ZNF420: variants seen among roughly 807,000 people sequenced by gnomAD.
ZNF420 encodes zinc finger protein 420.
A neutral mutation model predicts 44.7 loss-of-function variants in ZNF420; 31 were observed. That is an observed-to-expected ratio of 0.69 (90% CI 0.52 to 0.94). ZNF420 has a LOEUF of 0.94. Ranked by LOEUF, ZNF420 falls within the 40% of genes least tolerant of loss-of-function variation. The pLI is 0.00. For synonymous variants in ZNF420, 245 were observed against 267.4 expected (o/e 0.92, Z 0.82); for missense variants, 681 against 827.9 (o/e 0.82, Z 2.18).
At chr19:37,028,117 G>A (rs1967187538) in intron 1 of ZNF420, among the ~76,000 whole-genome samples, 1 of 152,234 alleles carries the variant, frequency 6.6e-6, no homozygotes, top group African/African-American at 2.4e-5. Context: ...ATTTGAGCCA[G>A]TCTAACAGAT....
intron 4 of ZNF420, among the ~76,000 whole-genome samples, chr19:37,122,656 C>T (rs1341468687): frequency 6.6e-6 from 1 of 152,038 alleles, no homozygotes; most frequent in Non-Finnish European, 1.5e-5. Flanking sequence ...TTCTGGGGTT[C>T]CGTGCTCTCT....
At chr19:37,023,597 C>T (rs572185860) in intron 1 of ZNF420, among the ~76,000 whole-genome samples, 3 of 152,152 alleles carry the variant, frequency 2.0e-5, no homozygotes, top group Non-Finnish European at 2.9e-5. Context: ...AACTACTGAC[C>T]TCAGGTGATC....
Position 37,128,360 on chromosome 19 carries a change from A to C in ZNF420, c.1369A>C (p.Ser457Arg). 6.2e-7 allele frequency: 1 copy of C among 1,614,008 alleles called. No homozygotes were observed. Among genetic ancestry groups the C allele is most frequent in the South Asian group, 1.1e-5 (1 of 91,082 alleles). The stretch of plus-strand genomic sequence containing the variant: ...ATGTAAAGAATGTGGAAAAACCTTT[A>C]GTCGTGGCTCAGAACTTACTCAACA... Reference protein sequence around the residue: ...YECKECGKTFSRGSELTQHER... With the variant: ...YECKECGKTFRRGSELTQHER... Residue 457 changes from serine (S) to arginine (R), a missense_variant, in exon 5 of 5, where the codon AGT (serine) becomes CGT (arginine). Around this residue, in one of 3 missense-constraint regions of ZNF420, gnomAD observed 280 missense variants for 338.6 expected, o/e 0.83. Transcript: ENST00000337995.
chr19:37,082,339 A>G (rs1235662998), intron 2 of ZNF420, among the ~76,000 whole-genome samples: 1 of 151,872 alleles, frequency 6.6e-6, no homozygotes, highest in Non-Finnish European at 1.5e-5. Flanking sequence ...ATGTTTTTGT[A>G]CTTTTAGTAG....
chr19:37,052,377 G>A (rs888256622), intron 1 of ZNF420, among the ~76,000 whole-genome samples: 1 of 151,814 alleles, frequency 6.6e-6, no homozygotes, highest in Admixed American at 6.6e-5. Context: ...GGTTAATATT[G>A]TTATGGGTGA....
intron 4 of ZNF420, among the ~76,000 whole-genome samples, chr19:37,123,585 T>A (rs1396741479): frequency 4.0e-5 from 6 of 150,130 alleles, no homozygotes; most frequent in Non-Finnish European, 8.9e-5. Flanking sequence ...TTCTTTATTT[T>A]CTTTTACTCT....
At chr19:37,115,164 C>G (rs1481562908) in intron 4 of ZNF420, 1 of 175,394 alleles carries the variant, frequency 5.7e-6, no homozygotes, top group Non-Finnish European at 1.2e-5. Flanking sequence ...CGTACCTTCA[C>G]CCTAGAGAAA....
rs4117556 is a variant in ZNF420, at chr19:37,065,244, G to C, written c.-124-15101G>C. Among the ~76,000 whole-genome samples, 932 of 151,816 alleles carry C rather than the reference G, an allele frequency of 6.1e-3. 27 individuals are homozygous for C. The highest frequency in any genetic ancestry group is 0.049 in the East Asian group (256 of 5,174). On this transcript the variant is annotated intron_variant, in intron 1 of 4. Coordinates refer to the ZNF420 transcript ENST00000587029. ...CAAGGGATTTTATGCCCTGGGCTTA[G>C]ATTATGGTGCATGATGGTAGGCTTC...
intron 1 of ZNF420, among the ~76,000 whole-genome samples, chr19:37,079,468 G>C (rs1411536301): frequency 1.3e-5 from 2 of 152,160 alleles, no homozygotes; most frequent in African/African-American, 4.8e-5. Flanking sequence ...GACCACAGTG[G>C]CTGCCCTTTC....
intron 2 of ZNF420, among the ~76,000 whole-genome samples, chr19:37,081,975 A>G (rs1968490928): frequency 6.6e-6 from 1 of 152,040 alleles, no homozygotes; most frequent in Non-Finnish European, 1.5e-5. Flanking sequence ...CTTTGCTCCA[A>G]ACATCTACTT....
At chr19:37,034,180 T>C (rs1203923706) in intron 1 of ZNF420, among the ~76,000 whole-genome samples, 1 of 152,144 alleles carries the variant, frequency 6.6e-6, no homozygotes, top group Non-Finnish European at 1.5e-5. Flanking sequence ...CCAACACTTA[T>C]TTTTTCCTGT....
At chr19:37,076,506 T>C (rs1397460756), upstream of ZNF420, among the ~76,000 whole-genome samples, 1 of 152,182 alleles carries the variant, frequency 6.6e-6, no homozygotes, top group Admixed American at 6.5e-5. Context: ...ATATATCTCC[T>C]AATGCTACCC....
intron 1 of ZNF420, among the ~76,000 whole-genome samples, chr19:37,058,419 C>T (rs1475169997): frequency 1.3e-5 from 2 of 152,254 alleles, no homozygotes; most frequent in African/African-American, 2.4e-5. Context: ...GACATCCTCC[C>T]CTCTGCTTCT....
chr19:37,117,779 G>A (rs1169296867), intron 4 of ZNF420, among the ~76,000 whole-genome samples: 5 of 152,198 alleles, frequency 3.3e-5, no homozygotes, highest in African/African-American at 7.2e-5. Flanking sequence ...AGTACTTAAA[G>A]GAGCTGATGG....
intron 1 of ZNF420, among the ~76,000 whole-genome samples, chr19:37,071,468 T>A (rs1363980682): frequency 1.3e-5 from 2 of 152,108 alleles, no homozygotes; most frequent in Non-Finnish European, 1.5e-5. Context: ...GGGATAGAAA[T>A]GGGAATAGAT....
At chr19:37,119,315 ACT>A (rs1970884298) in intron 4 of ZNF420, among the ~76,000 whole-genome samples, 2 of 152,120 alleles carry the variant, frequency 1.3e-5, no homozygotes, top group Admixed American at 1.3e-4. Context: ...GGATTAAGAA[ACT>A]CACTCAAAAC....
At chr19:37,064,149 G>A (rs965946536) in intron 1 of ZNF420, among the ~76,000 whole-genome samples, 1 of 152,164 alleles carries the variant, frequency 6.6e-6, no homozygotes, top group African/African-American at 2.4e-5. Flanking sequence ...TGATGAAAGA[G>A]CATTACATCT....
intron 1 of ZNF420, among the ~76,000 whole-genome samples, chr19:37,063,542 C>T (rs1967914767): frequency 1.3e-5 from 2 of 150,554 alleles, no homozygotes; most frequent in African/African-American, 2.4e-5. Flanking sequence ...CTGCATAGAT[C>T]TCCCCCCTCC....
chr19:37,076,139 A>C (rs1410181528), upstream of ZNF420, among the ~76,000 whole-genome samples: 1 of 152,180 alleles, frequency 6.6e-6, no homozygotes, highest in African/African-American at 2.4e-5. Flanking sequence ...GAATCTATTC[A>C]TCTCAGGTGA....
Sources: allele counts gnomAD v4.1 joint callset (sites outside exome capture counted in the v4.1 genomes callset), GRCh38; gene constraint gnomAD v4.1.1; regional missense constraint gnomAD v4.1.1; transcripts MANE v1.5; gene names NCBI Gene and HGNC (gene_info 2026-07-23, HGNC 2026-07-21).